The following ATP7A variants were observed in gnomAD, a reference collection of about 807,000 sequenced individuals.
ATP7A encodes copper-transporting ATPase 1.
A neutral mutation model predicts 83.5 loss-of-function variants in ATP7A; 7 were observed. The ratio of observed to expected loss-of-function variants is 0.08; its 90% CI spans 0.05 to 0.16. The LOEUF (loss-of-function observed/expected upper bound fraction) is 0.16. Ranked by LOEUF, ATP7A falls within the 10% of genes least tolerant of loss-of-function variation. The pLI is 1.00. For synonymous variants in ATP7A, 354 were observed against 395.2 expected (o/e 0.90, Z 1.24); for missense variants, 940 against 1,120.8 (o/e 0.84, Z 2.30).
intron 1 of ATP7A, among the ~76,000 whole-genome samples, chrX:77,956,217 A>G (rs2077440292): frequency 1.8e-5 from 2 of 111,951 alleles, no homozygotes; most frequent in Non-Finnish European, 1.9e-5. Context: ...AGGAATCACC[A>G]TACTGTTTCC....
At chrX:77,955,847 ATTT>A (rs200845953) in intron 1 of ATP7A, among the ~76,000 whole-genome samples, 1 of 89,679 alleles carries the variant, frequency 1.1e-5, no homozygotes, top group African/African-American at 4.1e-5. Flanking sequence ...GACATCAACC[ATTT>A]TTTTTTTTTT....
At position 77,989,368 on chromosome X, in the gene ATP7A, C is replaced by G; in HGVS notation, c.746C>G (p.Ala249Gly). ...CAGCCCAAGTACCTCAAATTGGGAGCTATTGATGTAGAACGTCTAAAGAAC... is the reference window on the plus strand; with the variant it reads ...CAGCCCAAGTACCTCAAATTGGGAGGTATTGATGTAGAACGTCTAAAGAAC... The part of the protein sequence containing the change: ...KKQPKYLKLG[A>G]IDVERLKNTP... The change falls in exon 4 of 23, where the codon GCT (alanine) becomes GGT (glycine). Residue 249 changes from alanine (A) to glycine (G), a missense_variant. This residue lies in a region of ATP7A where 350 missense variants were observed against 432.8 expected (regional missense o/e 0.81). Coordinates refer to ENST00000341514, the MANE Select transcript of ATP7A (RefSeq NM_000052.7). 8.3e-7 allele frequency: 1 copy of G among 1,211,308 alleles called. No homozygotes were observed. The highest frequency in any genetic ancestry group is 3.0e-5 in the East Asian group (1 of 33,841).
chrX:78,045,962 A>G (rs2078080736), intron 22 of ATP7A, among the ~76,000 whole-genome samples: 2 of 112,242 alleles, frequency 1.8e-5, no homozygotes, highest in South Asian at 7.5e-4. Flanking sequence ...CAGCCTAGGC[A>G]ACAGAGTGAG....
At chrX:78,023,577 GT>G (rs201515097) in intron 14 of ATP7A, among the ~76,000 whole-genome samples, 12 of 109,500 alleles carry the variant, frequency 1.1e-4, no homozygotes, top group African/African-American at 2.7e-4. Flanking sequence ...TTTTTCATGT[GT>G]TTTTTTTTAT....
At chrX:77,927,284 C>T (rs1557223701) in intron 1 of ATP7A, among the ~76,000 whole-genome samples, 1 of 110,736 alleles carries the variant, frequency 9.0e-6, no homozygotes, top group African/African-American at 3.3e-5. Context: ...ATTAACTGAT[C>T]TGGTATGATT....
Position 77,988,357 on chromosome X carries a change from ACCCTCT to A in ATP7A, c.241_246del (p.Leu81_Pro82del). On this transcript the variant is annotated inframe_deletion, in exon 3 of 23. Coordinates refer to ENST00000341514, the MANE Select transcript of ATP7A (RefSeq NM_000052.7). Reference sequence around the variant, plus strand: ...TTTGATGCTGTTATCCATAATCCTGACCCTCTCCCTGTTTTAACTGACACCTTGTTT... The same window carrying A: ...TTTGATGCTGTTATCCATAATCCTGACCCTGTTTTAACTGACACCTTGTTT... The A allele has an allele frequency of 8.3e-7, 1 of 1,210,159 alleles. No homozygotes were observed. Among genetic ancestry groups the A allele is most frequent in the African/African-American group, 1.7e-5 (1 of 57,583 alleles).
At chrX:77,958,753 T>A (rs1044013578) in intron 1 of ATP7A, among the ~76,000 whole-genome samples, 1 of 109,756 alleles carries the variant, frequency 9.1e-6, no homozygotes, top group African/African-American at 3.3e-5. Flanking sequence ...TTTGTTTATG[T>A]CTTCTTCAAT....
At chrX:77,932,114 G>T (rs1344233400) in intron 1 of ATP7A, among the ~76,000 whole-genome samples, 1 of 110,319 alleles carries the variant, frequency 9.1e-6, no homozygotes, top group Non-Finnish European at 1.9e-5. Flanking sequence ...CAGACGGGGT[G>T]GCTGCTGGGC....
intron 4 of ATP7A, among the ~76,000 whole-genome samples, chrX:77,998,017 A>C (rs782128543): frequency 9.1e-6 from 1 of 109,744 alleles, no homozygotes; most frequent in East Asian, 2.9e-4. Flanking sequence ...TTTCTTATGC[A>C]TGTTCTCATC....
intron 2 of ATP7A, among the ~76,000 whole-genome samples, chrX:77,981,154 CTT>C (rs1251892453): frequency 9.0e-6 from 1 of 111,562 alleles, no homozygotes; most frequent in East Asian, 2.8e-4. Flanking sequence ...ATATGGGACT[CTT>C]TTTTTGGCTT....
chrX:77,940,119 CA>C (rs782669225), intron 1 of ATP7A, among the ~76,000 whole-genome samples: 17 of 110,117 alleles, frequency 1.5e-4, no homozygotes, highest in Admixed American at 1.2e-3. Flanking sequence ...CCTTATTAGA[CA>C]AAAAAATGCA....
At chrX:77,991,049 C>G (rs1409832814) in intron 4 of ATP7A, among the ~76,000 whole-genome samples, 1 of 111,819 alleles carries the variant, frequency 8.9e-6, no homozygotes, top group Non-Finnish European at 1.9e-5. Context: ...AGAATTCTCA[C>G]TTTTTAAAAT....
At chrX:78,027,614 A>G (rs2077954038) in intron 14 of ATP7A, among the ~76,000 whole-genome samples, 1 of 112,448 alleles carries the variant, frequency 8.9e-6, no homozygotes, top group African/African-American at 3.2e-5. Context: ...TCATATGGAA[A>G]AAGAACCTAA....
chrX:77,911,210 G>T (rs1319916699), intron 1 of ATP7A, among the ~76,000 whole-genome samples: 1 of 112,389 alleles, frequency 8.9e-6, no homozygotes, highest in Non-Finnish European at 1.9e-5. Context: ...TTACTAAAAT[G>T]ACCATAATTG....
intron 1 of ATP7A, among the ~76,000 whole-genome samples, chrX:77,946,946 T>G (rs2077383396): frequency 1.8e-5 from 2 of 111,539 alleles, no homozygotes; most frequent in African/African-American, 6.5e-5. Flanking sequence ...CAACAGATAT[T>G]TGTATACCAG....
At chrX:77,986,887 A>G (rs782583045) in intron 2 of ATP7A, among the ~76,000 whole-genome samples, 1 of 111,761 alleles carries the variant, frequency 8.9e-6, no homozygotes, top group Non-Finnish European at 1.9e-5. Context: ...CTAATCACAT[A>G]ATTCTCTGCT....
chrX:78,012,870 A>G lies in ATP7A; in HGVS notation c.2173-9A>G. 8.5e-7 allele frequency: 1 copy of G among 1,181,343 alleles called. No homozygotes were observed. The highest frequency in any genetic ancestry group is 1.2e-6 in the Non-Finnish European group (1 of 867,945). On this transcript the variant is annotated splice_polypyrimidine_tract_variant and intron_variant, in intron 9 of 22. Transcript: ENST00000341514. ...TTAAAATTCAATGATTATCATTCCT[A>G]TATTGCAGTTTTTCGGAGGCTGGTA...
intron 4 of ATP7A, among the ~76,000 whole-genome samples, chrX:77,995,362 C>T (rs1321576813): frequency 9.1e-6 from 1 of 109,815 alleles, no homozygotes; most frequent in Non-Finnish European, 1.9e-5. Flanking sequence ...GTCAGGAGTT[C>T]GAGACCAGCC....
chrX:77,949,797 A>T (rs369556008), intron 1 of ATP7A, among the ~76,000 whole-genome samples: 13 of 111,993 alleles, frequency 1.2e-4, no homozygotes, highest in African/African-American at 3.6e-4. Context: ...GAAAATAGAG[A>T]TCTACATCAT....
Sources: gnomAD v4.1 joint callset for allele counts (sites outside exome capture counted in the v4.1 genomes callset) on GRCh38, gnomAD v4.1.1 for gene constraint, gnomAD v4.1.1 regional missense constraint, MANE v1.5 for transcripts, NCBI Gene and HGNC (gene_info 2026-07-23, HGNC 2026-07-21) for gene names.